Variants in TRDN observed in about 807,000 individuals in gnomAD.
TRDN encodes triadin in skeletal muscle.
A neutral mutation model predicts 149.7 loss-of-function variants in TRDN; 161 were observed. The observed-to-expected ratio is 1.08, with a 90% confidence interval of 0.95 to 1.23. The LOEUF (loss-of-function observed/expected upper bound fraction) is 1.23, where lower values mean the gene tolerates loss of function less well. Among genes scored for constraint, TRDN ranks in the 50% most tolerant of loss-of-function variants. The probability of loss-of-function intolerance (pLI) is 0.00; values close to 1 mark genes in which losing one functional copy is unlikely to be tolerated. For synonymous variants in TRDN, 294 were observed against 250.5 expected (o/e 1.17, Z -1.64); for missense variants, 896 against 823.5 (o/e 1.09, Z -1.08).
intron 12 of TRDN, among the ~76,000 whole-genome samples, chr6:123,411,030 T>A (rs1773413989): frequency 1.4e-5 from 2 of 139,764 alleles, no homozygotes; most frequent in African/African-American, 5.4e-5. Flanking sequence ...TTTTGTTACA[T>A]GTATGAATAA....
rs1347576296 is a variant in TRDN at position 123,245,425 on chromosome 6, A to G, written c.1975+6987T>C. ...TTTACCAAGCAAATGGAAAGAAAAA[A>G]AAAGCAGGGGTAGCAAATCCTAGTC... On this transcript the variant is annotated intron_variant, in intron 38 of 40. Coordinates refer to ENST00000334268, the MANE Select transcript of TRDN (RefSeq NM_006073.4). Among the ~76,000 whole-genome samples, 5 of 152,184 alleles carry G rather than the reference A, an allele frequency of 3.3e-5. 1 individual carries two copies. Among genetic ancestry groups the G allele is most frequent in the Non-Finnish European group, 2.9e-5 (2 of 68,030 alleles).
At chr6:123,328,352 C>T (rs546900549) in intron 23 of TRDN, among the ~76,000 whole-genome samples, 1 of 152,308 alleles carries the variant, frequency 6.6e-6, no homozygotes, top group East Asian at 1.9e-4. Flanking sequence ...AGAGGCCGCC[C>T]CAAATGACCA....
chr6:123,636,054 A>G (rs1786296761), intron 1 of TRDN, among the ~76,000 whole-genome samples: 1 of 151,986 alleles, frequency 6.6e-6, no homozygotes, highest in African/African-American at 2.4e-5. Flanking sequence ...GAGGAAAATG[A>G]AGAATGAATT....
chr6:123,451,535 C>T (rs748071828), intron 10 of TRDN, among the ~76,000 whole-genome samples: 7 of 151,980 alleles, frequency 4.6e-5, no homozygotes, highest in Non-Finnish European at 1.0e-4. Flanking sequence ...ATACATCCCT[C>T]CTAGTTTAAA....
intron 30 of TRDN, 88 bp downstream of exon 30, chr6:123,271,051 G>GTGTA (rs1777189321): frequency 1.4e-6 from 1 of 694,208 alleles, no homozygotes; most frequent in Non-Finnish European, 2.3e-6. Context: ...GTGTGTGTGT[G>GTGTA]TGTGTGTGTG....
chr6:123,260,473 A>G, intron 34 of TRDN, 139 bp downstream of exon 34: 2 of 895,184 alleles, frequency 2.2e-6, no homozygotes, highest in East Asian at 3.3e-5. Context: ...TTGGGAAGTC[A>G]TTATGCCTGT....
At chr6:123,346,987 CAT>C (rs1173923284) in intron 21 of TRDN, among the ~76,000 whole-genome samples, 1 of 6,140 alleles carries the variant, frequency 1.6e-4, no homozygotes, top group Non-Finnish European at 2.8e-4. Flanking sequence ...GCATTTCAAA[CAT>C]AAAAAAAAAA....
chr6:123,560,119 T>C (rs577916421), intron 2 of TRDN, among the ~76,000 whole-genome samples: 1 of 152,334 alleles, frequency 6.6e-6, no homozygotes, highest in South Asian at 2.1e-4. Context: ...TATGTCTGCG[T>C]GCGGCGGCTG....
chr6:123,587,515 G>A (rs6901956), intron 1 of TRDN, among the ~76,000 whole-genome samples: 3,241 of 152,258 alleles, frequency 0.021, 108 homozygotes, highest in African/African-American at 0.072. Context: ...ACCTGAGGTC[G>A]TAAGTGGATC....
At chr6:123,552,851 C>T (rs908176698) in intron 2 of TRDN, among the ~76,000 whole-genome samples, 1 of 152,030 alleles carries the variant, frequency 6.6e-6, no homozygotes, top group African/African-American at 2.4e-5. Flanking sequence ...TTTATCAATG[C>T]CTTGCTTTCC....
At chr6:123,525,462 C>T (rs1779898951) in intron 5 of TRDN, among the ~76,000 whole-genome samples, 2 of 152,036 alleles carry the variant, frequency 1.3e-5, no homozygotes, top group Admixed American at 1.3e-4. Context: ...AATAGAAAAT[C>T]AAATATTGCA....
chr6:123,319,185 T>C (rs1779147255), intron 23 of TRDN, among the ~76,000 whole-genome samples: 1 of 152,118 alleles, frequency 6.6e-6, no homozygotes. Context: ...ATTATGCTCA[T>C]AAACTTAAAT....
At chr6:123,616,527 ATATT>A (rs1316594047) in intron 1 of TRDN, among the ~76,000 whole-genome samples, 2 of 152,132 alleles carry the variant, frequency 1.3e-5, no homozygotes, top group African/African-American at 2.4e-5. Flanking sequence ...TGTATACTTC[ATATT>A]TATTCATATG....
chr6:123,556,146 T>C (rs1346294267), intron 2 of TRDN, among the ~76,000 whole-genome samples: 1 of 152,086 alleles, frequency 6.6e-6, no homozygotes, highest in Non-Finnish European at 1.5e-5. Context: ...AAGAGAAGAG[T>C]ATGAGGAAAC....
chr6:123,407,129 T>C (rs899440971), intron 12 of TRDN, among the ~76,000 whole-genome samples: 2 of 152,146 alleles, frequency 1.3e-5, no homozygotes, highest in Non-Finnish European at 2.9e-5. Flanking sequence ...TGTTTTATTA[T>C]CTGAGTTGAG....
chr6:123,334,962 A>C (rs928561381), intron 22 of TRDN, among the ~76,000 whole-genome samples: 6 of 152,022 alleles, frequency 3.9e-5, no homozygotes, highest in Non-Finnish European at 7.4e-5. Flanking sequence ...GGTTTAATAG[A>C]AGTAACTGAC....
intron 12 of TRDN, among the ~76,000 whole-genome samples, chr6:123,423,973 T>C (rs990060492): frequency 2.0e-5 from 3 of 152,098 alleles, no homozygotes; most frequent in African/African-American, 7.2e-5. Context: ...ACAATGACAG[T>C]AACTTGAAAC....
At chr6:123,313,659 A>G (rs972913408) in intron 24 of TRDN, among the ~76,000 whole-genome samples, 1 of 151,822 alleles carries the variant, frequency 6.6e-6, no homozygotes, top group South Asian at 2.1e-4. Context: ...CCCAGAGTAC[A>G]AGAACAGAGA....
At chr6:123,437,017 T>C (rs1489144052) in intron 12 of TRDN, among the ~76,000 whole-genome samples, 4 of 152,204 alleles carry the variant, frequency 2.6e-5, no homozygotes, top group Admixed American at 2.0e-4. Context: ...GAGATGATTG[T>C]CTTTTCCATG....
Sources: allele counts gnomAD v4.1 joint callset (sites outside exome capture counted in the v4.1 genomes callset), GRCh38; gene constraint gnomAD v4.1.1; transcripts MANE v1.5; gene names NCBI Gene and HGNC (gene_info 2026-07-23, HGNC 2026-07-21).